The following ROCK1 variants were observed in gnomAD, a reference collection of about 807,000 sequenced individuals.
ROCK1 encodes Rho associated coiled-coil containing protein kinase 1, also known as rho-associated protein kinase 1.
In ROCK1, 36 loss-of-function variants were observed where a neutral mutation model predicts 196.8. The observed-to-expected ratio is 0.18, with a 90% CI of 0.14 to 0.24. ROCK1 has a LOEUF of 0.24. Among genes scored for constraint, ROCK1 ranks in the 10% least tolerant of loss-of-function variants. The probability of loss-of-function intolerance (pLI) is 1.00; values close to 1 mark genes in which losing one functional copy is unlikely to be tolerated. For missense variants in ROCK1, 920 were observed against 1,562.0 expected, an observed-to-expected ratio of 0.59 and a Z score of 6.93; for synonymous variants, 443 against 515.9, an observed-to-expected ratio of 0.86 and a Z score of 1.91.
At chr18:20,964,200 T>C (rs1243220503) in intron 27 of ROCK1, among the ~76,000 whole-genome samples, 2 of 152,180 alleles carry the variant, frequency 1.3e-5, no homozygotes, top group African/African-American at 4.8e-5. Flanking sequence ...AAACTTAATC[T>C]ATTCAAAGCC....
intron 2 of ROCK1, among the ~76,000 whole-genome samples, chr18:21,062,230 A>G (rs556331743): frequency 6.6e-6 from 1 of 152,248 alleles, no homozygotes. Context: ...GGGAAAATAT[A>G]AGATGAGCCT....
chr18:21,006,304 T>G, intron 16 of ROCK1, 47 bp downstream of exon 16: 1 of 1,455,290 alleles, frequency 6.9e-7, no homozygotes, highest in Non-Finnish European at 9.4e-7. Context: ...AATGTTATAA[T>G]AAATTTCATG....
chr18:21,065,185 G>C (rs891188071), intron 2 of ROCK1, among the ~76,000 whole-genome samples: 2 of 152,166 alleles, frequency 1.3e-5, no homozygotes, highest in Non-Finnish European at 2.9e-5. Context: ...CATCGCTTTT[G>C]ATCACTAACT....
intron 2 of ROCK1, among the ~76,000 whole-genome samples, chr18:21,070,011 A>T (rs1488880641): frequency 1.3e-5 from 2 of 152,090 alleles, no homozygotes; most frequent in Non-Finnish European, 2.9e-5. Context: ...AAATTGAAAG[A>T]TAACACCAAA....
At chr18:20,995,008 A>G (rs867651808) in intron 16 of ROCK1, among the ~76,000 whole-genome samples, 4 of 152,196 alleles carry the variant, frequency 2.6e-5, no homozygotes, top group South Asian at 2.1e-4. Context: ...CACTAACAAT[A>G]AAGAAAAAAC....
chr18:20,956,451 G>A (rs1244646546), intron 29 of ROCK1, among the ~76,000 whole-genome samples: 1 of 152,166 alleles, frequency 6.6e-6, no homozygotes, highest in East Asian at 1.9e-4. Context: ...ATATACAGAT[G>A]CAGAACCCAT....
chr18:21,048,055 A>G (rs2036175834), intron 4 of ROCK1, among the ~76,000 whole-genome samples: 1 of 152,174 alleles, frequency 6.6e-6, no homozygotes, highest in Non-Finnish European at 1.5e-5. Flanking sequence ...CAGAATTATA[A>G]TCTACCCAAA....
At chr18:21,087,263 A>T (rs1421731458) in intron 1 of ROCK1, among the ~76,000 whole-genome samples, 1 of 152,226 alleles carries the variant, frequency 6.6e-6, no homozygotes, top group East Asian at 1.9e-4. Context: ...AGGAACACAG[A>T]TACAAAAAAC....
intron 27 of ROCK1, 106 bp downstream of exon 27, chr18:20,966,811 G>A: frequency 1.2e-6 from 1 of 856,808 alleles, no homozygotes; most frequent in Non-Finnish European, 1.8e-6. Flanking sequence ...TTCCTTCTTA[G>A]GAATCCATGG....
rs572506206 is a variant in ROCK1, at chr18:20,996,968, G to A, written c.1886-4031C>T. Among the ~76,000 whole-genome samples, 17 of 152,098 alleles carry A rather than the reference G, an allele frequency of 1.1e-4. 1 individual carries two copies. The South Asian group carries it at 3.5e-3, about 32-fold the overall frequency. ...CAACAGATAGATACCCAAAAAATAA[G>A]CAGCAAGAAATTAAAACCTATCACC... On this transcript the variant is annotated intron_variant, in intron 16 of 32. Transcript: ENST00000399799.
chr18:20,990,909 C>T (rs1044255634), intron 18 of ROCK1, among the ~76,000 whole-genome samples: 12 of 151,488 alleles, frequency 7.9e-5, no homozygotes, highest in African/African-American at 1.9e-4. Flanking sequence ...TACAGGCGTG[C>T]GACACACACC....
At chr18:21,052,380 A>G (rs1032313853) in intron 2 of ROCK1, among the ~76,000 whole-genome samples, 2 of 152,174 alleles carry the variant, frequency 1.3e-5, no homozygotes, top group Non-Finnish European at 2.9e-5. Context: ...CACCTACCCA[A>G]ATCTCAGGAT....
chr18:21,107,851 C>G lies in ROCK1; in HGVS notation c.93+2967G>C, dbSNP rs151166779. Reference sequence around the variant, plus strand: ...GGCGGATTCCTTGGGGTAAGGAGTACAAGACCAGCCTGGCCAACATGGTGA... The same window carrying G: ...GGCGGATTCCTTGGGGTAAGGAGTAGAAGACCAGCCTGGCCAACATGGTGA... On this transcript the variant is annotated intron_variant, in intron 1 of 32. Coordinates refer to ENST00000399799, the MANE Select transcript of ROCK1 (RefSeq NM_005406.3). Among the ~76,000 whole-genome samples the G allele has an allele frequency of 1.3e-3, 205 of 152,198 alleles. No individual in the cohort carries two copies. In the East Asian group the frequency reaches 0.014, roughly 10 times the overall value.
At chr18:21,092,219 G>A (rs2143586764) in intron 1 of ROCK1, among the ~76,000 whole-genome samples, 1 of 152,238 alleles carries the variant, frequency 6.6e-6, no homozygotes, top group African/African-American at 2.4e-5. Context: ...TGATGATTAA[G>A]GGAATCTCTT....
rs531929469 is a variant in ROCK1, at chr18:21,020,458, T to C, written c.1273-219A>G. Among the ~76,000 whole-genome samples, 7 of 152,288 alleles carry C rather than the reference T, an allele frequency of 4.6e-5. No individual in the cohort carries two copies. The South Asian group carries it at 1.4e-3, about 32-fold the overall frequency. Reference sequence around the variant, plus strand: ...AATACAAAAATTAAAAAGATTTGGTTCCTGTTCTCATGAAGCAAATAGTTA... The same window carrying C: ...AATACAAAAATTAAAAAGATTTGGTCCCTGTTCTCATGAAGCAAATAGTTA... On this transcript the variant is annotated intron_variant, in intron 11 of 32. Coordinates refer to ENST00000399799, the MANE Select transcript of ROCK1 (RefSeq NM_005406.3).
At chr18:21,023,230 A>G (rs965211286) in intron 11 of ROCK1, among the ~76,000 whole-genome samples, 1 of 152,182 alleles carries the variant, frequency 6.6e-6, no homozygotes, top group Non-Finnish European at 1.5e-5. Flanking sequence ...CTTAAAAATG[A>G]TTAAAACGGT....
At chr18:21,031,604 C>CAAAAAAAAAAAAAA (rs781463990) in intron 9 of ROCK1, among the ~76,000 whole-genome samples, 6 of 51,888 alleles carry the variant, frequency 1.2e-4, no homozygotes, top group African/African-American at 3.7e-4. Context: ...GACTCCATCT[C>CAAAAAAAAAAAAAA]AAAAAAAAAA....
chr18:20,981,448 T>A (rs564912295), intron 21 of ROCK1, among the ~76,000 whole-genome samples: 1 of 152,080 alleles, frequency 6.6e-6, no homozygotes, highest in South Asian at 2.1e-4. Flanking sequence ...TGCTAACATA[T>A]CTATAATATA....
intron 2 of ROCK1, among the ~76,000 whole-genome samples, chr18:21,058,210 C>G (rs1366041419): frequency 6.6e-6 from 1 of 152,024 alleles, no homozygotes; most frequent in Non-Finnish European, 1.5e-5. Flanking sequence ...GGTGAGACTA[C>G]AGATTATTCT....
Sources: allele counts gnomAD v4.1 joint callset (sites outside exome capture counted in the v4.1 genomes callset), GRCh38; gene constraint gnomAD v4.1.1; transcripts MANE v1.5; gene names NCBI Gene and HGNC (gene_info 2026-07-23, HGNC 2026-07-21).